ACO2: variants seen among roughly 807,000 people sequenced by gnomAD.
ACO2 encodes the protein aconitate hydratase, mitochondrial.
In ACO2, 31 loss-of-function variants were observed where a neutral mutation model predicts 84.5. The observed-to-expected ratio is 0.37, with a 90% CI of 0.28 to 0.50. ACO2 has a LOEUF of 0.50. Ranked by LOEUF, ACO2 falls within the 20% of genes least tolerant of loss-of-function variation. The pLI is 0.97. For synonymous variants in ACO2, 414 were observed against 412.7 expected (o/e 1.00, Z -0.04); for missense variants, 685 against 1,029.3 (o/e 0.67, Z 4.58).
chr22:41,504,307 C>T (rs1363653662), intron 2 of ACO2, among the ~76,000 whole-genome samples: 6 of 152,180 alleles, frequency 3.9e-5, no homozygotes, highest in Admixed American at 3.9e-4. Context: ...TCTCTTCCAC[C>T]TTGTGTCTCC....
At chr22:41,524,027 C>T (rs1055428415) in intron 12 of ACO2, 86 bp downstream of exon 12, 4 of 1,172,482 alleles carry the variant, frequency 3.4e-6, no homozygotes, top group African/African-American at 3.0e-5. Context: ...GAGATGGGGA[C>T]TGGGGTCATC....
chr22:41,507,818 G>A lies in ACO2; in HGVS notation c.201G>A (p.Glu67=), dbSNP rs1048044477. The A allele has an allele frequency of 6.2e-7, 1 of 1,614,092 alleles. No individual in the cohort carries two copies. The highest frequency in any genetic ancestry group is 1.3e-5 in the African/African-American group (1 of 74,952). The part of the protein sequence containing the change: ...KRLNRPLTLS[E]KIVYGHLDDP... ...TGAACCGGCCGCTGACACTCTCGGA[G>A]AAGATTGTGTATGGACACCTGGATG... Residue 67 remains glutamate (E), a synonymous_variant, in exon 3 of 18, where the codon GAG becomes GAA. Transcript: ENST00000216254.
At chr22:41,526,548 A>G (rs2066600683) in intron 15 of ACO2, 95 bp downstream of exon 15, 7 of 1,405,060 alleles carry the variant, frequency 5.0e-6, no homozygotes, top group Non-Finnish European at 6.7e-6. Context: ...GGAAACTGGG[A>G]AGGAGGCCGA....
chr22:41,507,660 T>C (rs1298589842), intron 2 of ACO2, 131 bp from the exon 3 acceptor site: 3 of 1,297,982 alleles, frequency 2.3e-6, no homozygotes, highest in Non-Finnish European at 3.1e-6. Context: ...AAGTGGAACG[T>C]TGAGGTCCTG....
At chr22:41,517,907 C>T (rs1333143914) in intron 7 of ACO2, among the ~76,000 whole-genome samples, 2 of 152,216 alleles carry the variant, frequency 1.3e-5, no homozygotes, top group Non-Finnish European at 2.9e-5. Context: ...GCTGAATGCC[C>T]GCCCTTCTCG....
In ACO2 at chr22:41,499,923, AG is replaced by A. The variant is rs1457989914; in HGVS notation, c.173+63del. On this transcript the variant is annotated intron_variant, in intron 2 of 17. Transcript: ENST00000216254. The stretch of plus-strand genomic sequence containing the variant: ...GCATTGCGTCTGCTGCCTGCCCGTC[AG>A]GCAGAGAAGGAGGTGTTTTGTGAAG... 3.2e-5 allele frequency: 51 copies of A among 1,590,836 alleles called. No homozygotes were observed. In the East Asian group the frequency reaches 1.1e-3, roughly 34 times the overall value.
chr22:41,508,049 G>A lies in ACO2; in HGVS notation c.432G>A (p.Lys144=), dbSNP rs746854004. ...GCGAGAAAGACCTGCGCCGGGCCAA[G>A]GTGAGCAGAAGGTGGCTTTGGGGGT... ...VGGEKDLRRA[K]DINQEVYNFL... Residue 144 remains lysine, a splice_region_variant and synonymous_variant, in exon 3 of 18, where the codon AAG becomes AAA. Coordinates refer to ENST00000216254, the MANE Select transcript of ACO2 (RefSeq NM_001098.3). The A allele has an allele frequency of 1.2e-6, 2 of 1,607,566 alleles. No homozygotes were observed. Among genetic ancestry groups the A allele is most frequent in the African/African-American group, 2.7e-5 (2 of 74,966 alleles).
intron 9 of ACO2, 127 bp from the exon 10 acceptor site, chr22:41,522,703 A>T (rs1465275417): frequency 7.4e-6 from 8 of 1,078,866 alleles, no homozygotes; most frequent in Non-Finnish European, 1.1e-5. Flanking sequence ...GGTCTCTGTT[A>T]AAAAAGTCTC....
intron 1 of ACO2, among the ~76,000 whole-genome samples, 199 bp from the exon 2 acceptor site, chr22:41,499,527 C>G (rs527386060): frequency 6.6e-6 from 1 of 152,224 alleles, no homozygotes; most frequent in African/African-American, 2.4e-5. Context: ...AAATCCCTTG[C>G]ACTTTTTTCC....
intron 6 of ACO2, chr22:41,516,167 C>G: frequency 1.6e-6 from 1 of 626,276 alleles, no homozygotes; most frequent in Non-Finnish European, 2.8e-6. Context: ...TGTGTGGCCA[C>G]ACACGGTTAG....
intron 1 of ACO2, among the ~76,000 whole-genome samples, chr22:41,491,076 A>G (rs1315359671): frequency 1.3e-5 from 2 of 151,954 alleles, no homozygotes; most frequent in African/African-American, 2.4e-5. Context: ...AGAAAGTGAA[A>G]TGTATTTGGA....
At chr22:41,506,621 G>C (rs1021044689) in intron 2 of ACO2, among the ~76,000 whole-genome samples, 2 of 152,026 alleles carry the variant, frequency 1.3e-5, no homozygotes, top group African/African-American at 4.8e-5. Flanking sequence ...GGCCTCAAGC[G>C]ATCCTCCTGC....
At chr22:41,526,542 A>G in intron 15 of ACO2, 89 bp downstream of exon 15, 1 of 1,449,632 alleles carries the variant, frequency 6.9e-7, no homozygotes, top group Non-Finnish European at 9.3e-7. Flanking sequence ...GGGAGTGGAA[A>G]CTGGGAAGGA....
At position 41,497,685 on chromosome 22, in the gene ACO2, C is replaced by T. The variant is rs183595880; in HGVS notation, c.37-2041C>T. Among the ~76,000 whole-genome samples the T allele has an allele frequency of 1.8e-3, 273 of 151,620 alleles. 3 individuals are homozygous for T. Among genetic ancestry groups the T allele is most frequent in the African/African-American group, 6.2e-3 (258 of 41,330 alleles). Reference sequence around the variant, plus strand: ...ATCACCTGAGGTCAGGAGTTCAAGACTAGCCTGACCAATATGTAGAAACTG... The same window carrying T: ...ATCACCTGAGGTCAGGAGTTCAAGATTAGCCTGACCAATATGTAGAAACTG... On this transcript the variant is annotated intron_variant, in intron 1 of 17. Transcript: ENST00000216254.
intron 1 of ACO2, among the ~76,000 whole-genome samples, chr22:41,495,777 C>T (rs769076087): frequency 1.3e-4 from 20 of 151,474 alleles, no homozygotes; most frequent in African/African-American, 2.9e-4. Context: ...CCCGCCACCA[C>T]GCCGTAGTAG....
chr22:41,526,331 G>C lies in ACO2; in HGVS notation c.1831G>C (p.Asp611His). The stretch of plus-strand genomic sequence containing the variant: ...CTGGCTCAAGTTCCGTGGGCACTTG[G>C]ATAACATCTCCAACAACCTGCTCAT... ...GPWLKFRGHL[D>H]NISNNLLIGA... Residue 611 changes from aspartate to histidine, a missense_variant, in exon 15 of 18, where the codon GAT (aspartate) becomes CAT (histidine). Around this residue, in one of 5 missense-constraint regions of ACO2, gnomAD observed 174 missense variants for 236.6 expected, o/e 0.74. Transcript: ENST00000216254. 1 of 1,613,120 alleles carries C rather than the reference G, an allele frequency of 6.2e-7. No individual in the cohort carries two copies. Among genetic ancestry groups the C allele is most frequent in the Non-Finnish European group, 8.5e-7 (1 of 1,180,026 alleles).
Position 41,527,385 on chromosome 22 carries a change from G to A in ACO2, c.2051G>A (p.Arg684Gln), listed in dbSNP as rs200345386. 129 of 1,613,316 alleles carry A rather than the reference G, an allele frequency of 8.0e-5. No individual in the cohort carries two copies. Among genetic ancestry groups the A allele is most frequent in the Admixed American group, 2.2e-4 (13 of 59,956 alleles). The change falls in exon 16 of 18, where the codon CGG (arginine) becomes CAG (glutamine). Residue 684 changes from arginine to glutamine, a missense_variant. By Grantham distance (43) the Arg-to-Gln change is conservative. Transcript: ENST00000216254. ...AALEPRHLGG[R>Q]AIITKSFARI... ...CTGGAGCCTCGCCACCTTGGGGGCC[G>A]GGCCATCATCACCAAGAGCTTTGCC...
At chr22:41,493,252 A>C (rs1458171618) in intron 1 of ACO2, among the ~76,000 whole-genome samples, 1 of 152,198 alleles carries the variant, frequency 6.6e-6, no homozygotes, top group Non-Finnish European at 1.5e-5. Flanking sequence ...AGTTGCCAAC[A>C]CATAAACTTT....
At chr22:41,514,846 C>T (rs999862218) in intron 4 of ACO2, among the ~76,000 whole-genome samples, 63 of 152,188 alleles carry the variant, frequency 4.1e-4, no homozygotes, top group African/African-American at 1.4e-3. Context: ...CTGAAGTGGA[C>T]GAGGCATCAC....
Sources: gnomAD v4.1 joint callset for allele counts (sites outside exome capture counted in the v4.1 genomes callset) on GRCh38, gnomAD v4.1.1 for gene constraint, gnomAD v4.1.1 regional missense constraint, MANE v1.5 for transcripts, NCBI Gene and HGNC (gene_info 2026-07-23, HGNC 2026-07-21) for gene names.